Variants in PRSS16 observed in about 807,000 individuals in gnomAD.
The protein encoded by PRSS16 is serine protease 16.
PRSS16 carries 43 observed loss-of-function variants against 61.7 expected under a neutral mutation model. That is an observed-to-expected ratio of 0.70 (90% CI 0.55 to 0.90). The LOEUF is 0.90. Among genes scored for constraint, PRSS16 ranks in the 40% least tolerant of loss-of-function variants. The pLI is 0.00. For synonymous variants in PRSS16, 273 were observed against 285.2 expected (o/e 0.96, Z 0.43); for missense variants, 591 against 659.1 (o/e 0.90, Z 1.13).
At chr6:27,253,029 T>C in intron 9 of PRSS16, 80 bp downstream of exon 9, 1 of 1,586,636 alleles carries the variant, frequency 6.3e-7, no homozygotes, top group East Asian at 2.2e-5. Flanking sequence ...TTACAGGTGG[T>C]CTGGACTCAT....
chr6:27,255,537 T>C lies in PRSS16; in HGVS notation c.*222T>C. The C allele has an allele frequency of 2.0e-6, 1 of 502,294 alleles. No homozygotes were observed. The highest frequency in any genetic ancestry group is 3.6e-6 in the Non-Finnish European group (1 of 280,672). 31.1% of individuals were successfully genotyped at this position (502,294 alleles called of 1,614,324 possible). ...AAATATAAGTGGATGATTATTCTCA[T>C]TGTAAATATTGGTATTTTGAATGTT... On this transcript the variant is annotated 3_prime_UTR_variant, in exon 12 of 12. Transcript: ENST00000230582. This position sits in a 1 kb window ranked among gnomAD's most constrained non-coding sequence, Gnocchi z 4.4.
chr6:27,253,371 T>G lies in PRSS16; in HGVS notation c.1150+422T>G. The G allele has an allele frequency of 3.9e-5, 14 of 358,754 alleles. 1 individual carries two copies. Among genetic ancestry groups the G allele is most frequent in the South Asian group, 3.1e-4 (14 of 44,462 alleles). 22.2% of individuals were successfully genotyped at this position (358,754 alleles called of 1,614,324 possible). ...TTGTGCTTTCTATGCCTACCTCTGC[T>G]GTCCTGCTGGGAACCTCCATTCTTT... On this transcript the variant is annotated intron_variant, in intron 9 of 11. Transcript: ENST00000230582.
intron 4 of PRSS16, among the ~76,000 whole-genome samples, chr6:27,249,704 C>G (rs1346209907): frequency 6.6e-6 from 1 of 152,148 alleles, no homozygotes; most frequent in South Asian, 2.1e-4. Context: ...AAAGTCAAAG[C>G]TTTTACAGTC....
rs1205949672 is a variant in PRSS16 at position 27,256,147 on chromosome 6, T to C, written c.*832T>C. 1 of 152,760 alleles carries C rather than the reference T, an allele frequency of 6.5e-6. No homozygotes were observed. The highest frequency in any genetic ancestry group is 6.5e-5 in the Admixed American group (1 of 15,274). 9.5% of individuals were successfully genotyped at this position (152,760 alleles called of 1,614,324 possible). A position where few individuals can be genotyped will look rare whatever the true frequency, so the allele number is the denominator to read the frequency against. ...ATTTCTGTCTCTGATGCTCTTCTTC[T>C]GTGTCTCTATTTCTCTTCCTGTCAC... On this transcript the variant is annotated 3_prime_UTR_variant, in exon 12 of 12. Transcript: ENST00000230582.
intron 4 of PRSS16, among the ~76,000 whole-genome samples, chr6:27,249,881 G>C (rs1179795142): frequency 6.6e-6 from 1 of 152,120 alleles, no homozygotes; most frequent in Non-Finnish European, 1.5e-5. Context: ...CCTTCCCCTA[G>C]ATGTTTTTAT....
intron 9 of PRSS16, 169 bp from the exon 10 acceptor site, chr6:27,254,524 G>T: frequency 1.5e-6 from 1 of 655,116 alleles, no homozygotes; most frequent in Non-Finnish European, 2.6e-6. Context: ...GATCACTGTG[G>T]GCTATCACTG....
In PRSS16 at chr6:27,251,829, G is replaced by A. The variant is rs1447735645; in HGVS notation, c.797G>A (p.Arg266Gln). ...RSGGAAQAAL[R>Q]TELSACGPLG... ...GGTGGGGCGGCTCAAGCAGCATTGCGGACGGAGCTGAGCGCTTGCGGGCCC... is the reference window on the plus strand; with the variant it reads ...GGTGGGGCGGCTCAAGCAGCATTGCAGACGGAGCTGAGCGCTTGCGGGCCC... The change falls in exon 8 of 12, where the codon CGG becomes CAG. Residue 266 changes from arginine to glutamine, a missense_variant. By Grantham distance (43) the Arg-to-Gln change is conservative. Coordinates refer to ENST00000230582, the MANE Select transcript of PRSS16 (RefSeq NM_005865.4). The surrounding 1 kb of genome is among the most constrained non-coding windows in gnomAD (Gnocchi z 5.6). 4.3e-6 allele frequency: 7 copies of A among 1,612,090 alleles called. No individual in the cohort carries two copies. Among genetic ancestry groups the A allele is most frequent in the African/African-American group, 2.7e-5 (2 of 75,028 alleles).
Position 27,251,832 on chromosome 6 carries a change from C to A in PRSS16, c.800C>A (p.Thr267Lys), listed in dbSNP as rs1470283973. The A allele has an allele frequency of 1.2e-6, 2 of 1,611,862 alleles. No individual in the cohort carries two copies. The highest frequency in any genetic ancestry group is 2.2e-5 in the East Asian group (1 of 44,864). ...SGGAAQAALR[T>K]ELSACGPLGR... ...GGGGCGGCTCAAGCAGCATTGCGGA[C>A]GGAGCTGAGCGCTTGCGGGCCCCTG... The change falls in exon 8 of 12, where the codon ACG (threonine) becomes AAG (lysine). Residue 267 changes from threonine (T) to lysine (K), a missense_variant. By Grantham distance (78) the Thr-to-Lys change is moderately conservative. Transcript: ENST00000230582. The surrounding 1 kb of genome is among the most constrained non-coding windows in gnomAD (Gnocchi z 5.6).
intron 9 of PRSS16, chr6:27,253,318 C>A (rs1243776306): frequency 6.0e-6 from 2 of 334,354 alleles, no homozygotes; most frequent in African/African-American, 2.1e-5. Context: ...CCTCCTCACT[C>A]TGCATGGACA....
rs1760031384 is a variant in PRSS16, at chr6:27,256,432, C to T, written c.*1117C>T. ...TTTCCTAAAGATCAATTATTTTCAG[C>T]AATAAATACTTCTCAGCTTTTTGTA... On this transcript the variant is annotated 3_prime_UTR_variant, in exon 12 of 12. Transcript: ENST00000230582. 6.6e-6 allele frequency: 1 copy of T among 152,626 alleles called. No homozygotes were observed. The highest frequency in any genetic ancestry group is 1.5e-5 in the Non-Finnish European group (1 of 68,040). 9.5% of individuals were successfully genotyped at this position (152,626 alleles called of 1,614,324 possible). A position where few individuals can be genotyped will look rare whatever the true frequency, so the allele number is the denominator to read the frequency against.
chr6:27,251,771 G>C lies in PRSS16; in HGVS notation c.739G>C (p.Ala247Pro). The change falls in exon 8 of 12, where the codon GCC becomes CCC. Residue 247 changes from alanine to proline, a missense_variant. Physicochemically the swap from Ala to Pro is conservative, Grantham distance 27. Transcript: ENST00000230582. The surrounding 1 kb of genome is among the most constrained non-coding windows in gnomAD (Gnocchi z 5.6). The stretch of plus-strand genomic sequence containing the variant: ...ACAGTGCCGGGCGGCGGTGTCCGTC[G>C]CCTTCGCTGAAGTGGAGCGGCGGCT... ...SLECRAAVSV[A>P]FAEVERRLRS... is the part of the protein sequence containing the mutation. 6.2e-7 allele frequency: 1 copy of C among 1,606,376 alleles called. No individual in the cohort carries two copies. The highest frequency in any genetic ancestry group is 8.5e-7 in the Non-Finnish European group (1 of 1,178,468).
Position 27,255,177 on chromosome 6 carries a change from A to G in PRSS16, c.1476+46A>G. 1 of 1,614,022 alleles carries G rather than the reference A, an allele frequency of 6.2e-7. No individual in the cohort carries two copies. The highest frequency in any genetic ancestry group is 1.3e-5 in the African/African-American group (1 of 75,046). On this transcript the variant is annotated intron_variant, in intron 11 of 11. Coordinates refer to ENST00000230582, the MANE Select transcript of PRSS16 (RefSeq NM_005865.4). This position sits in a 1 kb window ranked among gnomAD's most constrained non-coding sequence, Gnocchi z 4.4. ...AATCATTTGCATTCTCATTTGAATA[A>G]TCACTTGCATGTTCCCTCCTTCTGC...
At chr6:27,250,385 C>G (rs1759850377) in intron 4 of PRSS16, among the ~76,000 whole-genome samples, 1 of 152,194 alleles carries the variant, frequency 6.6e-6, no homozygotes, top group African/African-American at 2.4e-5. Flanking sequence ...CTACATTTGT[C>G]AGGTTTTCAT....
intron 4 of PRSS16, 36 bp from the exon 5 acceptor site, chr6:27,250,647 C>G: frequency 6.5e-7 from 1 of 1,534,848 alleles, no homozygotes; most frequent in South Asian, 1.3e-5. Flanking sequence ...GGATTCCCAG[C>G]GATGAGGACC....
In PRSS16 at chr6:27,251,739, G is replaced by C. The variant is rs1759909590; in HGVS notation, c.718-11G>C. 1 of 1,587,912 alleles carries C rather than the reference G, an allele frequency of 6.3e-7. No individual in the cohort carries two copies. ...TAAGTCTTGGCGGACATCGCCTCTT[G>C]CTTCCCACAGTGCCGGGCGGCGGTG... On this transcript the variant is annotated splice_polypyrimidine_tract_variant and intron_variant, in intron 7 of 11. Coordinates refer to ENST00000230582, the MANE Select transcript of PRSS16 (RefSeq NM_005865.4). The surrounding 1 kb of genome is among the most constrained non-coding windows in gnomAD (Gnocchi z 5.6).
chr6:27,248,978 G>C, intron 3 of PRSS16, 32 bp downstream of exon 3: 1 of 1,574,616 alleles, frequency 6.4e-7, no homozygotes, highest in South Asian at 1.1e-5. Context: ...AAGGAGTTGG[G>C]ATGCTGGTGG....
At chr6:27,250,837 G>T in intron 5 of PRSS16, 31 bp downstream of exon 5, 2 of 1,586,368 alleles carry the variant, frequency 1.3e-6, no homozygotes, top group Non-Finnish European at 8.6e-7. Flanking sequence ...GGGCTGGGGG[G>T]AGGGAACTCG....
rs1421831887 is a variant in PRSS16 at position 27,251,638 on chromosome 6, C to T, written c.718-112C>T. The stretch of plus-strand genomic sequence containing the variant: ...CTGGGCCAAGAGCTAGGTCTGCACC[C>T]TCTGAGTCCCGCTAGGGGAAAGTGG... On this transcript the variant is annotated intron_variant, in intron 7 of 11. Transcript: ENST00000230582. This position sits in a 1 kb window ranked among gnomAD's most constrained non-coding sequence, Gnocchi z 5.6. The T allele has an allele frequency of 5.8e-5, 76 of 1,303,278 alleles. No individual in the cohort carries two copies. Among genetic ancestry groups the T allele is most frequent in the East Asian group, 2.0e-4 (8 of 40,034 alleles). 80.7% of individuals were successfully genotyped at this position (1,303,278 alleles called of 1,614,324 possible).
intron 4 of PRSS16, among the ~76,000 whole-genome samples, chr6:27,249,456 G>A (rs1267808652): frequency 2.0e-5 from 3 of 151,814 alleles, no homozygotes; most frequent in African/African-American, 7.3e-5. Context: ...TTCTATTTCT[G>A]CGTCTCTGTC....
Sources: allele counts gnomAD v4.1 joint callset (sites outside exome capture counted in the v4.1 genomes callset), GRCh38; gene constraint gnomAD v4.1.1; non-coding constraint Gnocchi (gnomAD v3.1); transcripts MANE v1.5; gene names NCBI Gene and HGNC (gene_info 2026-07-23, HGNC 2026-07-21).